SCML4: variants seen among roughly 807,000 people sequenced by gnomAD.
The protein encoded by SCML4 is Scm polycomb group protein like 4, also known as sex comb on midleg-like protein 4.
A neutral mutation model predicts 41.1 loss-of-function variants in SCML4; 34 were observed. The observed-to-expected ratio is 0.83, with a 90% CI of 0.63 to 1.10. SCML4 has a LOEUF of 1.10. SCML4 is among the 50% of genes least tolerant of loss of function. The probability of loss-of-function intolerance (pLI) is 0.00; values close to 1 mark genes in which losing one functional copy is unlikely to be tolerated. For missense variants in SCML4, 522 were observed against 534.1 expected (o/e 0.98, Z 0.22); for synonymous variants, 214 against 220.9 (o/e 0.97, Z 0.28).
At chr6:107,839,562 T>TA in the SCML4 span, among the ~76,000 whole-genome samples, 1 of 152,192 alleles carries the variant, frequency 6.6e-6, no homozygotes, top group African/African-American at 2.4e-5. Flanking sequence ...GAAAATCTTA[T>TA]AGAATGATTT....
rs141367215 is a variant in SCML4, at chr6:107,720,878, C to T, written c.798G>A (p.Ser266=). 1.8e-4 allele frequency: 288 copies of T among 1,613,972 alleles called. No homozygotes were observed. Among genetic ancestry groups the T allele is most frequent in the South Asian group, 1.3e-4 (12 of 91,084 alleles). Residue 266 remains serine (S), a synonymous_variant, in exon 6 of 8, where the codon TCG becomes TCA. Coordinates refer to ENST00000369020, the MANE Select transcript of SCML4 (RefSeq NM_198081.5). The part of the protein sequence containing the change: ...NHRGSLHPSS[S]LYCKRQNSGD... ...CAGAGTTCTGCCTCTTGCAGTACAG[C>T]GAGGAGGAGGGGTGCAAGGAGCCCC...
chr6:107,730,273 G>C (rs1301236026), intron 5 of SCML4, among the ~76,000 whole-genome samples: 3 of 152,206 alleles, frequency 2.0e-5, no homozygotes, highest in Non-Finnish European at 4.4e-5. Context: ...ACCTGTTGGA[G>C]GATCTAACTC....
intron 1 of SCML4, among the ~76,000 whole-genome samples, chr6:107,819,838 G>A (rs1784818303): frequency 6.6e-6 from 1 of 152,162 alleles, no homozygotes; most frequent in Admixed American, 6.5e-5. Flanking sequence ...ATGCAATGTG[G>A]ATATCAAAAT....
At chr6:107,752,605 A>T (rs1353424521) in intron 2 of SCML4, among the ~76,000 whole-genome samples, 1 of 152,080 alleles carries the variant, frequency 6.6e-6, no homozygotes, top group Non-Finnish European at 1.5e-5. Flanking sequence ...GGAGTGTGGG[A>T]GTGAATGGAA....
chr6:107,830,787 G>A, the SCML4 span, among the ~76,000 whole-genome samples: 806 of 152,040 alleles, frequency 5.3e-3, 10 homozygotes, highest in African/African-American at 0.019. Context: ...TTTACTTTTT[G>A]TTCCTTTATT....
At chr6:107,832,579 G>T in the SCML4 span, among the ~76,000 whole-genome samples, 1 of 152,192 alleles carries the variant, frequency 6.6e-6, no homozygotes, top group African/African-American at 2.4e-5. Flanking sequence ...TATGCTGACT[G>T]GCTTAATTTC....
chr6:107,735,305 A>T (rs1367402146), intron 5 of SCML4, among the ~76,000 whole-genome samples: 1 of 152,198 alleles, frequency 6.6e-6, no homozygotes, highest in Admixed American at 6.5e-5. Flanking sequence ...TCATTTGTCC[A>T]TGTGGCCCTT....
intron 2 of SCML4, among the ~76,000 whole-genome samples, chr6:107,767,127 T>A (rs1780121647): frequency 6.6e-6 from 1 of 152,028 alleles, no homozygotes; most frequent in African/African-American, 2.4e-5. Flanking sequence ...CCAGCTAGTT[T>A]TTGTATTTTT....
intron 2 of SCML4, among the ~76,000 whole-genome samples, chr6:107,753,319 T>G (rs1778842800): frequency 6.6e-6 from 1 of 152,168 alleles, no homozygotes; most frequent in African/African-American, 2.4e-5. Context: ...ACCCAGCAAT[T>G]CCATTTCTGA....
At chr6:107,816,846 G>A (rs1213115719) in intron 1 of SCML4, among the ~76,000 whole-genome samples, 1 of 152,194 alleles carries the variant, frequency 6.6e-6, no homozygotes, top group African/African-American at 2.4e-5. Flanking sequence ...TGAGCTAGCT[G>A]GAAAATGGTC....
chr6:107,769,476 G>T (rs1434247087), intron 2 of SCML4, among the ~76,000 whole-genome samples: 2 of 152,226 alleles, frequency 1.3e-5, no homozygotes. Flanking sequence ...GCACAGAGGT[G>T]ATTGACAGAG....
At chr6:107,711,787 C>G (rs1212912214) in intron 6 of SCML4, among the ~76,000 whole-genome samples, 1 of 152,158 alleles carries the variant, frequency 6.6e-6, no homozygotes, top group African/African-American at 2.4e-5. Context: ...AGTTGAGAAG[C>G]CTTCACTTTA....
chr6:107,809,214 C>T (rs1375539623), intron 1 of SCML4, among the ~76,000 whole-genome samples: 3 of 152,234 alleles, frequency 2.0e-5, no homozygotes, highest in Admixed American at 6.5e-5. Flanking sequence ...CAGACAGCAG[C>T]GCTTTCAGCC....
intron 5 of SCML4, among the ~76,000 whole-genome samples, chr6:107,736,088 A>G (rs2114466803): frequency 6.6e-6 from 1 of 152,286 alleles, no homozygotes; most frequent in South Asian, 2.1e-4. Flanking sequence ...GGCAGCTGGA[A>G]TGATGGGCTG....
chr6:107,837,865 C>A, the SCML4 span, among the ~76,000 whole-genome samples: 2 of 151,828 alleles, frequency 1.3e-5, no homozygotes, highest in Non-Finnish European at 2.9e-5. Context: ...GTATCATAGC[C>A]CAGTGTGTCC....
At chr6:107,758,816 C>G (rs1779313359) in intron 2 of SCML4, among the ~76,000 whole-genome samples, 1 of 152,110 alleles carries the variant, frequency 6.6e-6, no homozygotes, top group African/African-American at 2.4e-5. Context: ...TTCTAGCCTC[C>G]AGAAAGGATG....
chr6:107,778,189 T>A (rs1301907207), intron 1 of SCML4, among the ~76,000 whole-genome samples: 1 of 86,776 alleles, frequency 1.2e-5, no homozygotes, highest in East Asian at 2.5e-4. Context: ...TGAGCGAGAC[T>A]CTATCTCAAA....
chr6:107,762,190 TAA>T (rs1779652788), intron 2 of SCML4, among the ~76,000 whole-genome samples: 1 of 152,194 alleles, frequency 6.6e-6, no homozygotes, highest in South Asian at 2.1e-4. Flanking sequence ...ACAACTCTAA[TAA>T]GTAAGCATGC....
intron 1 of SCML4, among the ~76,000 whole-genome samples, chr6:107,818,110 G>C (rs907695367): frequency 2.0e-5 from 3 of 152,176 alleles, no homozygotes; most frequent in Admixed American, 6.5e-5. Context: ...TTTGTAATTT[G>C]CATACCCAAA....
Sources: gnomAD v4.1 joint callset for allele counts (sites outside exome capture counted in the v4.1 genomes callset) on GRCh38, gnomAD v4.1.1 for gene constraint, MANE v1.5 for transcripts, NCBI Gene and HGNC (gene_info 2026-07-23, HGNC 2026-07-21) for gene names.